The following ATAD5 variants were observed in gnomAD, a reference collection of about 807,000 sequenced individuals.
The protein encoded by ATAD5 is ATPase family AAA domain-containing protein 5.
In ATAD5, 58 loss-of-function variants were observed where a neutral mutation model predicts 176.9. The observed-to-expected ratio is 0.33, with a 90% CI of 0.27 to 0.41. The LOEUF (loss-of-function observed/expected upper bound fraction) is 0.41, where lower values mean the gene tolerates loss of function less well. ATAD5 is among the 10% of genes least tolerant of loss of function. ATAD5 has a pLI of 1.00. For missense variants in ATAD5, 1,789 were observed against 2,094.1 expected, an observed-to-expected ratio of 0.85 and a Z score of 2.84; for synonymous variants, 640 against 712.6, an observed-to-expected ratio of 0.90 and a Z score of 1.62.
chr17:30,834,608 A>G lies in ATAD5; in HGVS notation c.527A>G (p.Lys176Arg), dbSNP rs1905589921. ...EVLAENIQDT[K>R]SQPNTMTSLQ... Reference sequence around the variant, plus strand: ...CTTGCAGAAAACATTCAAGATACAAAAAGTCAACCAAATACTATGACCTCC... The same window carrying G: ...CTTGCAGAAAACATTCAAGATACAAGAAGTCAACCAAATACTATGACCTCC... The change falls in exon 2 of 23, where the codon AAA becomes AGA. Residue 176 changes from lysine to arginine, a missense_variant. By Grantham distance (26) the Lys-to-Arg change is conservative (BLOSUM62 2). Around this residue, in one of 6 missense-constraint regions of ATAD5, gnomAD observed 696 missense variants for 712.5 expected, o/e 0.98. Transcript: ENST00000321990. 2 of 1,611,682 alleles carry G rather than the reference A, an allele frequency of 1.2e-6. No individual in the cohort carries two copies. Among genetic ancestry groups the G allele is most frequent in the East Asian group, 2.2e-5 (1 of 44,836 alleles).
intron 4 of ATAD5, among the ~76,000 whole-genome samples, chr17:30,841,904 C>T (rs1906143670): frequency 6.6e-6 from 1 of 152,100 alleles, no homozygotes; most frequent in African/African-American, 2.4e-5. Flanking sequence ...ACCCCCTCCT[C>T]TTCAAAGCTG....
intron 1 of ATAD5, among the ~76,000 whole-genome samples, chr17:30,832,959 C>T (rs2142294350): frequency 6.6e-6 from 1 of 152,302 alleles, no homozygotes; most frequent in Non-Finnish European, 1.5e-5. Flanking sequence ...GTTTCAGTGA[C>T]AGGCACTAAG....
In ATAD5 at chr17:30,893,488, T is replaced by C. The variant is rs772474202; in HGVS notation, c.4635T>C (p.Asn1545=). The C allele has an allele frequency of 1.2e-6, 2 of 1,613,016 alleles. No homozygotes were observed. The highest frequency in any genetic ancestry group is 1.7e-6 in the Non-Finnish European group (2 of 1,179,724). ...CCAGTGCAGCAACAAAAAGTATGAA[T>C]TGTCTTGCTAGGAAACACTCTGAAA... ...VDASAATKSM[N]CLARKHSERE... The change falls in exon 21 of 23, where the codon AAT becomes AAC. Residue 1545 remains asparagine, a synonymous_variant. Transcript: ENST00000321990.
chr17:30,849,705 T>A (rs1906752053), intron 6 of ATAD5, among the ~76,000 whole-genome samples: 1 of 152,218 alleles, frequency 6.6e-6, no homozygotes, highest in East Asian at 1.9e-4. Context: ...ATACATGTTT[T>A]GCAAATATAT....
rs867300990 is a variant in ATAD5, at chr17:30,893,654, G to A, written c.4801G>A (p.Ala1601Thr). ...SLSSVSSSSNAEESKTGDEES... is the reference protein window; with the variant it reads ...SLSSVSSSSNTEESKTGDEES... ...GTCCTCTGTATCATCTTCCTCAAAT[G>A]CAGAAGAAAGCAAAACCGGAGACGA... is the stretch of plus-strand genomic sequence containing the variant. The change falls in exon 21 of 23, where the codon GCA becomes ACA. Residue 1601 changes from alanine to threonine, a missense_variant. Transcript: ENST00000321990. 1.2e-6 allele frequency: 2 copies of A among 1,613,508 alleles called. No individual in the cohort carries two copies. The highest frequency in any genetic ancestry group is 1.7e-4 in the Middle Eastern group (1 of 6,050).
intron 18 of ATAD5, among the ~76,000 whole-genome samples, chr17:30,884,617 T>C (rs569709349): frequency 1.5e-4 from 22 of 150,050 alleles, no homozygotes; most frequent in African/African-American, 5.1e-4. Context: ...TTAGTAGATA[T>C]GGGGTTTCAC....
At chr17:30,856,330 T>G (rs1324580281) in intron 7 of ATAD5, among the ~76,000 whole-genome samples, 2 of 152,186 alleles carry the variant, frequency 1.3e-5, no homozygotes, top group Non-Finnish European at 2.9e-5. Flanking sequence ...AAACTAAGAT[T>G]TAGGATCTCG....
intron 19 of ATAD5, 29 bp from the exon 20 acceptor site, chr17:30,892,578 T>C (rs200235015): frequency 6.7e-7 from 1 of 1,488,578 alleles, no homozygotes; most frequent in Admixed American, 2.4e-5. Context: ...AATACATATA[T>C]AGAGCTAAGA....
At chr17:30,890,122 C>G (rs7208225) in intron 19 of ATAD5, among the ~76,000 whole-genome samples, 14,964 of 151,852 alleles carry the variant, frequency 0.099, 2,140 homozygotes, top group African/African-American at 0.32. Context: ...CTCCTGGGCT[C>G]AAGTGATCCG....
rs767008571 is a variant in ATAD5, at chr17:30,894,518, T to C, written c.5298-46T>C. On this transcript the variant is annotated intron_variant, in intron 21 of 22. Coordinates refer to ENST00000321990, the MANE Select transcript of ATAD5 (RefSeq NM_024857.5). ...ACTGGTTGTGATTGGGATTACTGCATTTTTCTTGGGCATTAAAAATTAAAA... is the reference window on the plus strand; with the variant it reads ...ACTGGTTGTGATTGGGATTACTGCACTTTTCTTGGGCATTAAAAATTAAAA... 2.6e-6 allele frequency: 4 copies of C among 1,565,546 alleles called. No individual in the cohort carries two copies. In the Admixed American group the frequency reaches 5.5e-5, roughly 22 times the overall value.
Position 30,893,874 on chromosome 17 carries a change from G to T in ATAD5, c.5021G>T (p.Arg1674Ile), listed in dbSNP as rs371910087. 2 of 1,613,844 alleles carry T rather than the reference G, an allele frequency of 1.2e-6. No homozygotes were observed. Among genetic ancestry groups the T allele is most frequent in the Non-Finnish European group, 1.7e-6 (2 of 1,179,906 alleles). Residue 1674 changes from arginine to isoleucine, a missense_variant, in exon 21 of 23, where the codon AGA (arginine) becomes ATA (isoleucine). Around this residue, in one of 6 missense-constraint regions of ATAD5, gnomAD observed 403 missense variants for 495.1 expected, o/e 0.81. Coordinates refer to ENST00000321990, the MANE Select transcript of ATAD5 (RefSeq NM_024857.5). ...GTAAGGGAACAAAACAAATACGGTA[G>T]AAATGACTTTAGTTGGACAAATGGA... ...TDVREQNKYGRNDFSWTNGKV... is the reference protein window; with the variant it reads ...TDVREQNKYGINDFSWTNGKV...
At chr17:30,881,914 C>T (rs1032855797) in intron 18 of ATAD5, among the ~76,000 whole-genome samples, 7 of 150,374 alleles carry the variant, frequency 4.7e-5, no homozygotes, top group African/African-American at 1.5e-4. Flanking sequence ...CCCTGTCCCC[C>T]CCCCAAAAAA....
intron 6 of ATAD5, among the ~76,000 whole-genome samples, chr17:30,847,416 C>T (rs929346270): frequency 7.2e-5 from 11 of 151,854 alleles, no homozygotes; most frequent in Non-Finnish European, 2.9e-5. Context: ...CTGTAACCTC[C>T]GCTTCCTGGG....
At chr17:30,841,014 CT>C (rs11284489) in intron 4 of ATAD5, among the ~76,000 whole-genome samples, 35,201 of 146,776 alleles carry the variant, frequency 0.24, 6,163 homozygotes, top group African/African-American at 0.5. Context: ...CTACCTCTTC[CT>C]TTTTTTTTTT....
Position 30,894,024 on chromosome 17 carries a change from T to A in ATAD5, c.5171T>A (p.Ile1724Asn), listed in dbSNP as rs749527073. 6 of 1,613,450 alleles carry A rather than the reference T, an allele frequency of 3.7e-6. No individual in the cohort carries two copies. The highest frequency in any genetic ancestry group is 5.1e-6 in the Non-Finnish European group (6 of 1,179,510). ...AGCTTTACTAAATGTTCTTCTGCTATTTCAAAAGCATTGGAAACCTTGAAT... is the reference window on the plus strand; with the variant it reads ...AGCTTTACTAAATGTTCTTCTGCTAATTCAAAAGCATTGGAAACCTTGAAT... The part of the protein sequence containing the change: ...ALSFTKCSSA[I>N]SKALETLNSC... The change falls in exon 21 of 23, where the codon ATT becomes AAT. Residue 1724 changes from isoleucine to asparagine, a missense_variant. This residue lies in a region of ATAD5 where 403 missense variants were observed against 495.1 expected (regional missense o/e 0.81). Transcript: ENST00000321990.
intron 6 of ATAD5, among the ~76,000 whole-genome samples, chr17:30,850,833 T>TTATATA (rs1312470807): frequency 0.041 from 1,120 of 27,476 alleles, 24 homozygotes; most frequent in Non-Finnish European, 0.045. Flanking sequence ...TTATATATTT[T>TTATATA]TATATATATA....
In ATAD5 at chr17:30,834,144, C is replaced by A; in HGVS notation, c.67-4C>A. 1 of 1,524,808 alleles carries A rather than the reference C, an allele frequency of 6.6e-7. No individual in the cohort carries two copies. The highest frequency in any genetic ancestry group is 8.8e-7 in the Non-Finnish European group (1 of 1,141,636). 94.5% of individuals were successfully genotyped at this position (1,524,808 alleles called of 1,614,324 possible). ...AAGTGCCTTTTTCTCTTTTAAATTG[C>A]CAGCCATGCAAAAAGCGAAAGAAAG... On this transcript the variant is annotated splice_polypyrimidine_tract_variant and splice_region_variant and intron_variant, in intron 1 of 22. Coordinates refer to ENST00000321990, the MANE Select transcript of ATAD5 (RefSeq NM_024857.5).
chr17:30,848,143 C>T (rs142770739), intron 6 of ATAD5, among the ~76,000 whole-genome samples: 1 of 152,304 alleles, frequency 6.6e-6, no homozygotes, highest in African/African-American at 2.4e-5. Flanking sequence ...ATTATAAGAA[C>T]CTGGCAAACT....
At chr17:30,838,295 G>C (rs1432678601) in intron 3 of ATAD5, among the ~76,000 whole-genome samples, 2 of 152,190 alleles carry the variant, frequency 1.3e-5, no homozygotes, top group Non-Finnish European at 2.9e-5. Flanking sequence ...AAGCCACCAA[G>C]GTGACTCTGA....
Sources: allele counts gnomAD v4.1 joint callset (sites outside exome capture counted in the v4.1 genomes callset), GRCh38; gene constraint gnomAD v4.1.1; regional missense constraint gnomAD v4.1.1; transcripts MANE v1.5; gene names NCBI Gene and HGNC (gene_info 2026-07-23, HGNC 2026-07-21).